UBE2K: variants seen among roughly 807,000 people sequenced by gnomAD.
UBE2K encodes the protein ubiquitin conjugating enzyme E2 K.
A neutral mutation model predicts 30.0 loss-of-function variants in UBE2K; 6 were observed. That is an observed-to-expected ratio of 0.20 (90% CI 0.11 to 0.39). The LOEUF (loss-of-function observed/expected upper bound fraction) is 0.39. Among genes scored for constraint, UBE2K ranks in the 10% least tolerant of loss-of-function variants. The probability of loss-of-function intolerance (pLI) is 1.00; values close to 1 mark genes in which losing one functional copy is unlikely to be tolerated. For missense variants in UBE2K, 61 were observed against 241.6 expected (o/e 0.25, Z 4.96); for synonymous variants, 86 against 83.7 (o/e 1.03, Z -0.15).
At chr4:39,708,273 A>G (rs999929683) in intron 1 of UBE2K, among the ~76,000 whole-genome samples, 80 of 152,200 alleles carry the variant, frequency 5.3e-4, no homozygotes, top group African/African-American at 1.9e-3. Flanking sequence ...TATTGATACA[A>G]TTATTCAAGA....
At chr4:39,775,775 A>G (rs1713248733) in intron 5 of UBE2K, among the ~76,000 whole-genome samples, 1 of 151,768 alleles carries the variant, frequency 6.6e-6, no homozygotes, top group South Asian at 2.1e-4. Flanking sequence ...GCCAACACCT[A>G]CTCTAAGCCA....
chr4:39,731,403 A>G (rs1385745948), intron 1 of UBE2K, among the ~76,000 whole-genome samples: 4 of 151,944 alleles, frequency 2.6e-5, no homozygotes, highest in Non-Finnish European at 5.9e-5. Context: ...AGCTTCAGAA[A>G]ACACGGTGGC....
At chr4:39,703,862 AAG>A (rs1718177077) in intron 1 of UBE2K, among the ~76,000 whole-genome samples, 1 of 148,666 alleles carries the variant, frequency 6.7e-6, no homozygotes, top group Non-Finnish European at 1.5e-5. Flanking sequence ...AAAAAAAAAA[AAG>A]AATACTTTGA....
intron 3 of UBE2K, among the ~76,000 whole-genome samples, chr4:39,751,035 C>CTGTAGATTAA (rs1296555045): frequency 6.6e-6 from 1 of 151,932 alleles, no homozygotes; most frequent in Non-Finnish European, 1.5e-5. Context: ...TATGAGCCAC[C>CTGTAGATTAA]ACGCCTGGCC....
chr4:39,714,841 G>A (rs1188902396), intron 1 of UBE2K, among the ~76,000 whole-genome samples: 2 of 151,194 alleles, frequency 1.3e-5, no homozygotes, highest in Non-Finnish European at 2.9e-5. Context: ...AAGCCACCGT[G>A]CTTGGCCCAG....
intron 4 of UBE2K, among the ~76,000 whole-genome samples, chr4:39,757,292 T>C (rs983435847): frequency 1.3e-5 from 2 of 152,100 alleles, no homozygotes; most frequent in African/African-American, 4.8e-5. Flanking sequence ...TCCCAAAGTG[T>C]TGGGATTACA....
chr4:39,767,254 G>A (rs1369962209), intron 4 of UBE2K, among the ~76,000 whole-genome samples: 1 of 149,464 alleles, frequency 6.7e-6, no homozygotes, highest in Non-Finnish European at 1.5e-5. Flanking sequence ...TAATGTAAGG[G>A]TCCAGCTTCA....
chr4:39,779,594 C>T lies in UBE2K; in HGVS notation c.*1160C>T, dbSNP rs1713492724. ...ATAATACGAGAATTGAAAACTTTAC[C>T]TTCTCTTGTACATAGTCAGACTATT... is the stretch of plus-strand genomic sequence containing the variant. On this transcript the variant is annotated 3_prime_UTR_variant, in exon 7 of 7. Transcript: ENST00000261427. The T allele has an allele frequency of 6.6e-6, 1 of 152,548 alleles. No individual in the cohort carries two copies. The highest frequency in any genetic ancestry group is 2.1e-4 in the South Asian group (1 of 4,828). The allele number at this position is 152,548 out of a possible 1,614,324, so 9.4% of individuals were successfully genotyped here.
intron 1 of UBE2K, among the ~76,000 whole-genome samples, chr4:39,711,824 G>C (rs966358743): frequency 6.6e-6 from 1 of 151,614 alleles, no homozygotes; most frequent in African/African-American, 2.4e-5. Context: ...GATCACCTGA[G>C]GTCAGGAGTT....
intron 1 of UBE2K, among the ~76,000 whole-genome samples, chr4:39,715,126 C>T (rs996827516): frequency 4.7e-5 from 7 of 150,012 alleles, no homozygotes; most frequent in Admixed American, 1.3e-4. Flanking sequence ...CCTGGGTTCA[C>T]GCCATTCTTC....
At chr4:39,769,622 C>T (rs1000669511) in intron 4 of UBE2K, among the ~76,000 whole-genome samples, 8 of 140,066 alleles carry the variant, frequency 5.7e-5, no homozygotes, top group African/African-American at 2.5e-4. Flanking sequence ...TCCCTCACCC[C>T]AGGCCTATTA....
chr4:39,771,439 T>A, intron 4 of UBE2K: 3 of 1,586,872 alleles, frequency 1.9e-6, no homozygotes, highest in Non-Finnish European at 1.7e-6. Flanking sequence ...GAGGCCATTG[T>A]GGCGGGGGTG....
chr4:39,720,061 C>G (rs75437512), intron 1 of UBE2K, among the ~76,000 whole-genome samples: 7,263 of 152,294 alleles, frequency 0.048, 262 homozygotes, highest in Middle Eastern at 0.099. Context: ...TGCTTAGCAC[C>G]ATTGCCTGCT....
intron 1 of UBE2K, among the ~76,000 whole-genome samples, chr4:39,709,346 A>G (rs1718547343): frequency 6.6e-6 from 1 of 152,012 alleles, no homozygotes; most frequent in Non-Finnish European, 1.5e-5. Flanking sequence ...GGTACTTCTA[A>G]TAGTGTTTCT....
At chr4:39,738,706 G>A (rs1720507697) in intron 2 of UBE2K, among the ~76,000 whole-genome samples, 2 of 152,118 alleles carry the variant, frequency 1.3e-5, no homozygotes, top group African/African-American at 2.4e-5. Flanking sequence ...TTGAGACTGA[G>A]TCTCTCTGTC....
At chr4:39,728,818 G>GTTTTTTTTTT (rs150967559) in intron 1 of UBE2K, among the ~76,000 whole-genome samples, 3 of 129,904 alleles carry the variant, frequency 2.3e-5, no homozygotes, top group Admixed American at 7.7e-5. Flanking sequence ...GGTTTTTTTT[G>GTTTTTTTTTT]TTTTTTTTGT....
At chr4:39,701,050 G>T (rs941714012) in intron 1 of UBE2K, among the ~76,000 whole-genome samples, 2 of 147,282 alleles carry the variant, frequency 1.4e-5, no homozygotes, top group Non-Finnish European at 2.9e-5. Flanking sequence ...GATATTTTTT[G>T]AATTTTGTGT....
intron 1 of UBE2K, among the ~76,000 whole-genome samples, chr4:39,722,382 C>T (rs1287931509): frequency 6.6e-6 from 1 of 152,098 alleles, no homozygotes; most frequent in Non-Finnish European, 1.5e-5. Flanking sequence ...TGTGTAATAT[C>T]AGATTTTCTT....
chr4:39,703,135 C>T (rs962878802), intron 1 of UBE2K, among the ~76,000 whole-genome samples: 4 of 152,026 alleles, frequency 2.6e-5, no homozygotes, highest in Non-Finnish European at 5.9e-5. Context: ...GGATTACAGG[C>T]GCCTACTACC....
Sources: gnomAD v4.1 joint callset for allele counts (sites outside exome capture counted in the v4.1 genomes callset) on GRCh38, gnomAD v4.1.1 for gene constraint, MANE v1.5 for transcripts, NCBI Gene and HGNC (gene_info 2026-07-23, HGNC 2026-07-21) for gene names.